TRPC4: variants seen among roughly 807,000 people sequenced by gnomAD.
TRPC4 encodes transient receptor potential cation channel subfamily C member 4, also known as short transient receptor potential channel 4.
A neutral mutation model predicts 99.4 loss-of-function variants in TRPC4; 49 were observed. That is an observed-to-expected ratio of 0.49 (90% confidence interval 0.39 to 0.63). The LOEUF (loss-of-function observed/expected upper bound fraction) is 0.63. Among genes scored for constraint, TRPC4 ranks in the 20% least tolerant of loss-of-function variants. The probability of loss-of-function intolerance (pLI) is 0.00; values close to 1 mark genes in which losing one functional copy is unlikely to be tolerated. For synonymous variants in TRPC4, 454 were observed against 425.9 expected (o/e 1.07, Z -0.81); for missense variants, 898 against 1,152.9 (o/e 0.78, Z 3.20).
chr13:37,841,023 A>C (rs1958716785), intron 1 of TRPC4, among the ~76,000 whole-genome samples: 1 of 152,066 alleles, frequency 6.6e-6, no homozygotes, highest in African/African-American at 2.4e-5. Context: ...CAAAGCCAAA[A>C]ATTTTATATT....
At chr13:37,860,910 G>A (rs1214911044) in intron 1 of TRPC4, among the ~76,000 whole-genome samples, 1 of 151,428 alleles carries the variant, frequency 6.6e-6, no homozygotes, top group African/African-American at 2.4e-5. Context: ...GTTTACTTAT[G>A]TATCTATTTC....
chr13:37,791,974 G>A (rs1957132998), intron 1 of TRPC4, among the ~76,000 whole-genome samples: 3 of 152,126 alleles, frequency 2.0e-5, no homozygotes, highest in Admixed American at 2.0e-4. Context: ...TGTAGCCAAA[G>A]GATTCAGGAC....
chr13:37,820,057 A>T (rs910703186), intron 1 of TRPC4, among the ~76,000 whole-genome samples: 4 of 151,932 alleles, frequency 2.6e-5, no homozygotes, highest in Non-Finnish European at 1.5e-5. Flanking sequence ...AGCTAGACAA[A>T]GATATAAAAG....
intron 1 of TRPC4, among the ~76,000 whole-genome samples, chr13:37,787,570 G>C (rs949331650): frequency 1.4e-4 from 22 of 151,960 alleles, no homozygotes; most frequent in African/African-American, 5.1e-4. Flanking sequence ...GTAGCTGCAA[G>C]TGTTACATAA....
intron 3 of TRPC4, among the ~76,000 whole-genome samples, chr13:37,743,331 T>C (rs1432417682): frequency 6.6e-6 from 1 of 152,196 alleles, no homozygotes; most frequent in Non-Finnish European, 1.5e-5. Context: ...TACAAACATC[T>C]TGAGAGAAGT....
chr13:37,784,158 T>TC (rs1290444788), intron 1 of TRPC4, among the ~76,000 whole-genome samples: 12 of 152,148 alleles, frequency 7.9e-5, no homozygotes, highest in African/African-American at 2.9e-4. Flanking sequence ...CTGAGAATAT[T>TC]AATCATCAAG....
intron 1 of TRPC4, among the ~76,000 whole-genome samples, chr13:37,852,786 A>G (rs529272378): frequency 2.0e-5 from 3 of 151,828 alleles, no homozygotes; most frequent in Non-Finnish European, 4.4e-5. Context: ...TGTCTGAAGA[A>G]CTCTTGGGCA....
At chr13:37,694,358 A>C (rs1953840151) in intron 3 of TRPC4, among the ~76,000 whole-genome samples, 1 of 152,192 alleles carries the variant, frequency 6.6e-6, no homozygotes, top group African/African-American at 2.4e-5. Context: ...ATGCAGAACG[A>C]GTAAAAGAAA....
intron 8 of TRPC4, among the ~76,000 whole-genome samples, chr13:37,640,855 ATTAT>A (rs1404746259): frequency 1.3e-5 from 2 of 152,280 alleles, no homozygotes; most frequent in African/African-American, 2.4e-5. Context: ...TCTGATTTTC[ATTAT>A]TTAAGTAGCT....
At chr13:37,773,099 T>C (rs1411467755) in intron 2 of TRPC4, among the ~76,000 whole-genome samples, 1 of 151,734 alleles carries the variant, frequency 6.6e-6, no homozygotes, top group Non-Finnish European at 1.5e-5. Context: ...CAGGGGCCTC[T>C]GGCTGAAGGA....
intron 1 of TRPC4, among the ~76,000 whole-genome samples, chr13:37,804,775 A>G (rs899945885): frequency 1.3e-5 from 2 of 152,084 alleles, no homozygotes; most frequent in African/African-American, 2.4e-5. Context: ...ACTGTTTCTT[A>G]TAACACCAGG....
intron 1 of TRPC4, among the ~76,000 whole-genome samples, chr13:37,796,253 T>TA (rs1957241050): frequency 6.6e-6 from 1 of 152,146 alleles, no homozygotes; most frequent in Non-Finnish European, 1.5e-5. Context: ...CCGGAAAACT[T>TA]ACAAGGACTG....
intron 3 of TRPC4, among the ~76,000 whole-genome samples, chr13:37,734,407 C>T (rs1450371830): frequency 6.6e-6 from 1 of 152,050 alleles, no homozygotes; most frequent in Admixed American, 6.6e-5. Flanking sequence ...GTCTTTGGCA[C>T]CAAAAATTCA....
chr13:37,703,673 T>C (rs1954175983), intron 3 of TRPC4, among the ~76,000 whole-genome samples: 1 of 152,052 alleles, frequency 6.6e-6, no homozygotes, highest in Non-Finnish European at 1.5e-5. Flanking sequence ...AAAAAAAATA[T>C]CTAATTAAAA....
chr13:37,704,551 G>T (rs1593548842), intron 3 of TRPC4, among the ~76,000 whole-genome samples: 1 of 152,032 alleles, frequency 6.6e-6, no homozygotes, highest in Admixed American at 6.6e-5. Context: ...GCCAGAAATT[G>T]CTTGAACCCA....
intron 6 of TRPC4, among the ~76,000 whole-genome samples, chr13:37,655,977 T>C (rs1952219744): frequency 6.6e-6 from 1 of 152,112 alleles, no homozygotes; most frequent in Non-Finnish European, 1.5e-5. Flanking sequence ...ATTTCTATGT[T>C]TACAACTAAA....
At chr13:37,695,755 T>A (rs1452091047) in intron 3 of TRPC4, among the ~76,000 whole-genome samples, 1 of 152,174 alleles carries the variant, frequency 6.6e-6, no homozygotes, top group Non-Finnish European at 1.5e-5. Context: ...AATCACTGAG[T>A]CATGGGATTC....
intron 4 of TRPC4, among the ~76,000 whole-genome samples, chr13:37,679,724 C>G (rs1953173793): frequency 6.6e-6 from 1 of 152,114 alleles, no homozygotes; most frequent in African/African-American, 2.4e-5. Context: ...AGTCATCTTT[C>G]ATAAATAAAT....
chr13:37,754,454 C>T (rs1956044450), intron 2 of TRPC4, among the ~76,000 whole-genome samples: 1 of 152,080 alleles, frequency 6.6e-6, no homozygotes, highest in African/African-American at 2.4e-5. Flanking sequence ...TTATTTTGCT[C>T]AAGTAAAATC....
Sources: allele counts gnomAD v4.1 joint callset (sites outside exome capture counted in the v4.1 genomes callset), GRCh38; gene constraint gnomAD v4.1.1; transcripts MANE v1.5; gene names NCBI Gene and HGNC (gene_info 2026-07-23, HGNC 2026-07-21).